Variants in NELL1 observed in about 807,000 individuals in gnomAD.
NELL1 encodes protein kinase C-binding protein NELL1.
A neutral mutation model predicts 107.4 loss-of-function variants in NELL1; 76 were observed. The observed-to-expected ratio is 0.71, with a 90% CI of 0.59 to 0.86. The LOEUF (loss-of-function observed/expected upper bound fraction) is 0.86, where lower values mean the gene tolerates loss of function less well. NELL1 is among the 40% of genes least tolerant of loss of function. NELL1 has a pLI of 0.00. For synonymous variants in NELL1, 353 were observed against 341.2 expected (o/e 1.03, Z -0.38); for missense variants, 1,024 against 1,005.5 (o/e 1.02, Z -0.25).
At chr11:20,835,984 A>C (rs1848528180) in intron 3 of NELL1, among the ~76,000 whole-genome samples, 1 of 152,134 alleles carries the variant, frequency 6.6e-6, no homozygotes, top group African/African-American at 2.4e-5. Flanking sequence ...TTAAGAGATT[A>C]AAAAAACAAG....
At chr11:21,152,466 T>C (rs1334363630) in intron 13 of NELL1, among the ~76,000 whole-genome samples, 1 of 152,184 alleles carries the variant, frequency 6.6e-6, no homozygotes, top group African/African-American at 2.4e-5. Flanking sequence ...CAAGTATGTT[T>C]TTGAAAAATT....
intron 3 of NELL1, among the ~76,000 whole-genome samples, chr11:20,832,975 T>C (rs1287237776): frequency 6.6e-6 from 1 of 152,150 alleles, no homozygotes; most frequent in Non-Finnish European, 1.5e-5. Flanking sequence ...TGGCCTCATA[T>C]CCCACTGAAC....
chr11:21,415,374 C>G (rs1449523226), intron 15 of NELL1, among the ~76,000 whole-genome samples: 2 of 152,040 alleles, frequency 1.3e-5, no homozygotes, highest in African/African-American at 4.8e-5. Context: ...GGGTAAATGC[C>G]TCTTTTCCAG....
chr11:21,309,407 ACT>A, intron 14 of NELL1, among the ~76,000 whole-genome samples: 1 of 150,542 alleles, frequency 6.6e-6, no homozygotes, highest in Middle Eastern at 3.5e-3. Context: ...TATTATTCAA[ACT>A]CTACTTCCAC....
chr11:20,776,703 C>A lies in NELL1; in HGVS notation c.185-6977C>A, dbSNP rs186354603. Among the ~76,000 whole-genome samples, 275 of 152,002 alleles carry A rather than the reference C, an allele frequency of 1.8e-3. 1 individual carries two copies. Among genetic ancestry groups the A allele is most frequent in the Non-Finnish European group, 8.1e-4 (55 of 67,976 alleles). On this transcript the variant is annotated intron_variant, in intron 2 of 19. Coordinates refer to ENST00000357134, the MANE Select transcript of NELL1 (RefSeq NM_006157.5). The stretch of plus-strand genomic sequence containing the variant: ...GGGAGTGTACCAAAATGGGTAGGAA[C>A]GTGGCCCTGGGAAGAAGGGATATTA...
chr11:20,903,316 C>T (rs1849919603), intron 5 of NELL1, among the ~76,000 whole-genome samples: 1 of 152,010 alleles, frequency 6.6e-6, no homozygotes, highest in Non-Finnish European at 1.5e-5. Context: ...TGGTGAAGCT[C>T]TCCTTTTCTT....
chr11:21,200,177 G>T (rs1338109446), intron 13 of NELL1, among the ~76,000 whole-genome samples: 1 of 152,060 alleles, frequency 6.6e-6, no homozygotes, highest in Non-Finnish European at 1.5e-5. Context: ...GGGATTGCTG[G>T]ATCAAATGGT....
chr11:21,115,787 T>G (rs1265788333), intron 13 of NELL1, among the ~76,000 whole-genome samples: 1 of 151,964 alleles, frequency 6.6e-6, no homozygotes, highest in African/African-American at 2.4e-5. Flanking sequence ...GTTACAGTTC[T>G]TTCTGCTGCC....
At chr11:21,022,766 T>A (rs929555361) in intron 12 of NELL1, among the ~76,000 whole-genome samples, 4 of 152,102 alleles carry the variant, frequency 2.6e-5, no homozygotes, top group African/African-American at 9.7e-5. Context: ...ATAGAGATAA[T>A]AAACTGAACA....
At chr11:21,143,934 G>A (rs756504876) in intron 13 of NELL1, among the ~76,000 whole-genome samples, 20 of 152,150 alleles carry the variant, frequency 1.3e-4, no homozygotes, top group Non-Finnish European at 2.8e-4. Flanking sequence ...CAAGGAGCTG[G>A]GAGATGGACC....
intron 12 of NELL1, among the ~76,000 whole-genome samples, chr11:21,058,684 C>T (rs1039613065): frequency 2.6e-5 from 4 of 152,058 alleles, no homozygotes; most frequent in African/African-American, 9.7e-5. Flanking sequence ...AGTGCATTTT[C>T]TGTGGGTTTT....
chr11:21,044,888 G>A (rs1853319637), intron 12 of NELL1, among the ~76,000 whole-genome samples: 1 of 152,146 alleles, frequency 6.6e-6, no homozygotes, highest in African/African-American at 2.4e-5. Context: ...GGGAAGAGGG[G>A]CTAAAAGGAA....
intron 16 of NELL1, among the ~76,000 whole-genome samples, chr11:21,540,767 A>G (rs897644167): frequency 6.6e-6 from 1 of 152,086 alleles, no homozygotes; most frequent in African/African-American, 2.4e-5. Context: ...ATCACATCCT[A>G]CCAGGCCCCT....
intron 14 of NELL1, among the ~76,000 whole-genome samples, chr11:21,314,240 T>C (rs1235129245): frequency 6.6e-6 from 1 of 152,136 alleles, no homozygotes; most frequent in Non-Finnish European, 1.5e-5. Flanking sequence ...GATCCATTCA[T>C]GGCCCAATCA....
At chr11:20,818,769 A>G (rs898563031) in intron 3 of NELL1, among the ~76,000 whole-genome samples, 2 of 152,180 alleles carry the variant, frequency 1.3e-5, no homozygotes, top group African/African-American at 4.8e-5. Flanking sequence ...CCCTTAGAAA[A>G]GAAGAGTTAT....
rs758828561 is a variant in NELL1 at position 21,573,382 on chromosome 11, A to G, written c.2355A>G (p.Gly785=). Residue 785 remains glycine, a synonymous_variant, in exon 19 of 20, where the codon GGA becomes GGG. Transcript: ENST00000357134. ...GTGGCTCAGTGTGGACGATGGCTGG[A>G]TCTCCCTGCACAACCTGTAAATGCA... ...RLSGSVWTMA[G]SPCTTCKCKN... 1.9e-6 allele frequency: 3 copies of G among 1,612,090 alleles called. No individual in the cohort carries two copies. In the South Asian group the frequency reaches 3.3e-5, roughly 18 times the overall value.
At position 21,223,328 on chromosome 11, in the gene NELL1, TTTC is replaced by T. The variant is rs534384272; in HGVS notation, c.1427-6001_1427-5999del. Among the ~76,000 whole-genome samples the T allele has an allele frequency of 3.6e-3, 542 of 152,288 alleles. 6 individuals are homozygous for T. The highest frequency in any genetic ancestry group is 0.013 in the African/African-American group (533 of 41,582). ...TCATTATATAATGAGATTCTTTGTCTTTCTTTTTTCTTTTTTTTACTTAATATC... is the reference window on the plus strand; with the variant it reads ...TCATTATATAATGAGATTCTTTGTCTTTTTTTCTTTTTTTTACTTAATATC... On this transcript the variant is annotated intron_variant, in intron 13 of 19. Coordinates refer to ENST00000357134, the MANE Select transcript of NELL1 (RefSeq NM_006157.5).
At chr11:21,467,610 T>C (rs1854065217) in intron 15 of NELL1, among the ~76,000 whole-genome samples, 1 of 152,108 alleles carries the variant, frequency 6.6e-6, no homozygotes, top group Non-Finnish European at 1.5e-5. Context: ...GCCTTTTACA[T>C]ACTGAGTATG....
At chr11:21,031,846 C>G (rs957062955) in intron 12 of NELL1, among the ~76,000 whole-genome samples, 1 of 151,852 alleles carries the variant, frequency 6.6e-6, no homozygotes, top group Admixed American at 6.6e-5. Flanking sequence ...GTCAGGAGTG[C>G]GAGATCAGCC....
Sources: gnomAD v4.1 joint callset for allele counts (sites outside exome capture counted in the v4.1 genomes callset) on GRCh38, gnomAD v4.1.1 for gene constraint, MANE v1.5 for transcripts, NCBI Gene and HGNC (gene_info 2026-07-23, HGNC 2026-07-21) for gene names.